The following SEMA3F variants were observed in gnomAD, a reference collection of about 807,000 sequenced individuals.
SEMA3F encodes the protein semaphorin-3F.
In SEMA3F, 30 loss-of-function variants were observed where a neutral mutation model predicts 98.5. That is an observed-to-expected ratio of 0.30 (90% CI 0.23 to 0.41). The LOEUF (loss-of-function observed/expected upper bound fraction) is 0.41, where lower values mean the gene tolerates loss of function less well. SEMA3F is among the 10% of genes least tolerant of loss of function. SEMA3F has a pLI of 1.00. For missense variants in SEMA3F, 866 were observed against 1,119.3 expected (o/e 0.77, Z 3.23); for synonymous variants, 380 against 444.8 (o/e 0.85, Z 1.83).
At chr3:50,185,859 G>C in intron 15 of SEMA3F, 30 bp from the exon 16 acceptor site, 1 of 1,607,424 alleles carries the variant, frequency 6.2e-7, no homozygotes, top group Non-Finnish European at 8.5e-7. Context: ...TATGGGACAG[G>C]AACTGACAAG....
Position 50,159,567 on chromosome 3 carries a change from C to G in SEMA3F, c.-48-8C>G. On this transcript the variant is annotated splice_region_variant and splice_polypyrimidine_tract_variant and intron_variant, in intron 1 of 18. Transcript: ENST00000002829. ...CTCACACATTCCAATCTTGGTTCCC[C>G]TTCCCAGGTTTCTAGAGAGTGGAGC... 1 of 1,099,014 alleles carries G rather than the reference C, an allele frequency of 9.1e-7. No individual in the cohort carries two copies. The highest frequency in any genetic ancestry group is 2.5e-5 in the East Asian group (1 of 40,630). The allele number at this position is 1,099,014 out of a possible 1,614,324, so 68.1% of individuals were successfully genotyped here.
chr3:50,161,745 T>C (rs1013219442), intron 2 of SEMA3F, among the ~76,000 whole-genome samples: 1 of 152,222 alleles, frequency 6.6e-6, no homozygotes, highest in Non-Finnish European at 1.5e-5. Context: ...GTGCTCACAG[T>C]CAAGCTGGTG....
At chr3:50,180,315 C>T (rs1291979455) in intron 7 of SEMA3F, among the ~76,000 whole-genome samples, 1 of 152,058 alleles carries the variant, frequency 6.6e-6, no homozygotes, top group Non-Finnish European at 1.5e-5. Flanking sequence ...AGGCGCCCAC[C>T]ACCACCTCTG....
chr3:50,171,364 A>C (rs779629057), intron 2 of SEMA3F, among the ~76,000 whole-genome samples: 3 of 151,974 alleles, frequency 2.0e-5, no homozygotes, highest in Non-Finnish European at 4.4e-5. Flanking sequence ...TGCAGGGTTG[A>C]TATTATAGAG....
intron 7 of SEMA3F, among the ~76,000 whole-genome samples, chr3:50,177,645 G>T (rs965160251): frequency 6.6e-6 from 1 of 152,222 alleles, no homozygotes; most frequent in Non-Finnish European, 1.5e-5. Flanking sequence ...TGCCCTGGGG[G>T]AGCCTCAGAT....
At chr3:50,172,624 A>G (rs1385750575) in intron 2 of SEMA3F, among the ~76,000 whole-genome samples, 1 of 152,224 alleles carries the variant, frequency 6.6e-6, no homozygotes, top group Non-Finnish European at 1.5e-5. Flanking sequence ...CCTCTTTCCC[A>G]GAAATGACTG....
In SEMA3F at chr3:50,158,552, C is replaced by G. The variant is rs1394473979; in HGVS notation, c.-48-1023C>G. On this transcript the variant is annotated intron_variant, in intron 1 of 18. Transcript: ENST00000002829. This position sits in a 1 kb window ranked among gnomAD's most constrained non-coding sequence, Gnocchi z 4.8. ...GTACTGCCAACTCCCATCCCAGCAT[C>G]CTAGAGATGGGCCTGGGGTCCTGCC... Among the ~76,000 whole-genome samples the G allele has an allele frequency of 6.6e-6, 1 of 152,214 alleles. No homozygotes were observed. Among genetic ancestry groups the G allele is most frequent in the African/African-American group, 2.4e-5 (1 of 41,452 alleles).
chr3:50,175,080 T>C lies in SEMA3F; in HGVS notation c.457-16T>C, dbSNP rs1179553844. 7 of 1,574,094 alleles carry C rather than the reference T, an allele frequency of 4.4e-6. No individual in the cohort carries two copies. Among genetic ancestry groups the C allele is most frequent in the Non-Finnish European group, 6.1e-6 (7 of 1,148,928 alleles). ...CTGCCACCCCCAGCTCTAACCCCTG[T>C]TCCTCGTCTTCTCAGGCCACACCAT... On this transcript the variant is annotated splice_polypyrimidine_tract_variant and intron_variant, in intron 5 of 18. Transcript: ENST00000002829.
At chr3:50,169,379 A>G (rs572289300) in intron 2 of SEMA3F, among the ~76,000 whole-genome samples, 4 of 152,046 alleles carry the variant, frequency 2.6e-5, no homozygotes, top group Non-Finnish European at 4.4e-5. Flanking sequence ...TTGGGCTGGG[A>G]CCCCAAGTGC....
chr3:50,176,150 C>G (rs746314602), intron 6 of SEMA3F, among the ~76,000 whole-genome samples: 15 of 152,308 alleles, frequency 9.8e-5, no homozygotes, highest in South Asian at 2.1e-4. Context: ...GACTCCTTGA[C>G]TCCTGGCTCC....
At chr3:50,172,059 T>A (rs1443995741) in intron 2 of SEMA3F, among the ~76,000 whole-genome samples, 1 of 152,112 alleles carries the variant, frequency 6.6e-6, no homozygotes, top group Non-Finnish European at 1.5e-5. Context: ...TCAGGCTGTG[T>A]CTAGGGCCTC....
chr3:50,175,848 G>A (rs1300985760), intron 6 of SEMA3F, among the ~76,000 whole-genome samples: 2 of 152,154 alleles, frequency 1.3e-5, no homozygotes, highest in Non-Finnish European at 2.9e-5. Flanking sequence ...CCGTGTGCTG[G>A]CGGTGATATG....
chr3:50,172,192 T>C (rs1173414689), intron 2 of SEMA3F, among the ~76,000 whole-genome samples: 1 of 152,150 alleles, frequency 6.6e-6, no homozygotes, highest in Non-Finnish European at 1.5e-5. Context: ...GTGACCCCCT[T>C]GGTGAGTGCC....
chr3:50,181,066 C>CA (rs74579972), intron 7 of SEMA3F, among the ~76,000 whole-genome samples: 17,624 of 95,178 alleles, frequency 0.19, 1,557 homozygotes, highest in Non-Finnish European at 0.26. Context: ...GACTCCATCT[C>CA]AAAAAAAAAA....
chr3:50,173,158 G>A (rs1402225187), intron 2 of SEMA3F, among the ~76,000 whole-genome samples: 1 of 152,194 alleles, frequency 6.6e-6, no homozygotes, highest in African/African-American at 2.4e-5. Context: ...GAAGGATCCA[G>A]GAAGGGGAGC....
Position 50,182,350 on chromosome 3 carries a change from T to C in SEMA3F, c.710T>C (p.Leu237Pro). 2.5e-6 allele frequency: 4 copies of C among 1,614,006 alleles called. No homozygotes were observed. Among genetic ancestry groups the C allele is most frequent in the Non-Finnish European group, 3.4e-6 (4 of 1,180,020 alleles). The change falls in exon 8 of 19, where the codon CTT (leucine) becomes CCT (proline). Residue 237 changes from leucine (L) to proline (P), a missense_variant. Physicochemically the swap from Leu to Pro is moderately conservative, Grantham distance 98. Around this residue, in one of 3 missense-constraint regions of SEMA3F, gnomAD observed 374 missense variants for 582.8 expected, o/e 0.64. Transcript: ENST00000002829. The surrounding 1 kb of genome is among the most constrained non-coding windows in gnomAD (Gnocchi z 4.5). ...ACTGATGCAGCCATCTTCCGCACAC[T>C]TGGAAAGCAGACAGCCATGCGCACG... ...MGTDAAIFRTLGKQTAMRTDQ... is the reference protein window; with the variant it reads ...MGTDAAIFRTPGKQTAMRTDQ...
In SEMA3F at chr3:50,166,705, C is replaced by G. The variant is rs932135462; in HGVS notation, c.112+6971C>G. ...GACCGCAGGAATCCGAGGAAGGCCG[C>G]AGAGATGGGGGCTGGGCCCAGGGGA... On this transcript the variant is annotated intron_variant, in intron 2 of 18. Coordinates refer to ENST00000002829, the MANE Select transcript of SEMA3F (RefSeq NM_004186.5). The surrounding 1 kb of genome is among the most constrained non-coding windows in gnomAD (Gnocchi z 4.7). Among the ~76,000 whole-genome samples, 78 of 152,098 alleles carry G rather than the reference C, an allele frequency of 5.1e-4. 1 individual carries two copies. The highest frequency in any genetic ancestry group is 1.9e-3 in the African/African-American group (77 of 41,408).
At chr3:50,165,094 T>C (rs1698353466) in intron 2 of SEMA3F, among the ~76,000 whole-genome samples, 1 of 151,922 alleles carries the variant, frequency 6.6e-6, no homozygotes, top group African/African-American at 2.4e-5. Context: ...CTGAGTCCTG[T>C]GGGGTGGGTG....
At chr3:50,174,496 T>C in intron 5 of SEMA3F, 146 bp downstream of exon 5, 1 of 984,498 alleles carries the variant, frequency 1.0e-6, no homozygotes, top group Non-Finnish European at 1.5e-6. Flanking sequence ...TCGCTGAGCC[T>C]CAGTTTCTTC....
Sources: gnomAD v4.1 joint callset for allele counts (sites outside exome capture counted in the v4.1 genomes callset) on GRCh38, gnomAD v4.1.1 for gene constraint, gnomAD v4.1.1 regional missense constraint, Gnocchi (gnomAD v3.1) non-coding constraint, MANE v1.5 for transcripts, NCBI Gene and HGNC (gene_info 2026-07-23, HGNC 2026-07-21) for gene names.